The following PTPRR variants were observed in gnomAD, a reference collection of about 807,000 sequenced individuals.
PTPRR encodes the protein receptor-type tyrosine-protein phosphatase R.
A neutral mutation model predicts 77.2 loss-of-function variants in PTPRR; 38 were observed. The ratio of observed to expected loss-of-function variants is 0.49; its 90% CI spans 0.38 to 0.65. The LOEUF is 0.65. Ranked by LOEUF, PTPRR falls within the 30% of genes least tolerant of loss-of-function variation. The pLI is 0.00. For synonymous variants in PTPRR, 299 were observed against 283.1 expected, an observed-to-expected ratio of 1.06 and a Z score of -0.57; for missense variants, 744 against 799.2, an observed-to-expected ratio of 0.93 and a Z score of 0.83.
intron 2 of PTPRR, among the ~76,000 whole-genome samples, chr12:70,821,908 C>A (rs1892021451): frequency 6.6e-6 from 1 of 152,078 alleles, no homozygotes; most frequent in Non-Finnish European, 1.5e-5. Context: ...TCATGATCTG[C>A]CTGCCTCGGC....
chr12:70,840,498 C>A (rs1281442745), intron 2 of PTPRR, among the ~76,000 whole-genome samples: 1 of 152,110 alleles, frequency 6.6e-6, no homozygotes, highest in Non-Finnish European at 1.5e-5. Flanking sequence ...ATGTGGACAT[C>A]TTTGTGGGGC....
At chr12:70,756,534 C>T (rs760288354) in intron 4 of PTPRR, among the ~76,000 whole-genome samples, 5 of 152,056 alleles carry the variant, frequency 3.3e-5, no homozygotes, top group South Asian at 2.1e-4. Context: ...GTCAGGTGGC[C>T]GAGAGTTGAA....
intron 2 of PTPRR, among the ~76,000 whole-genome samples, chr12:70,868,396 G>C (rs375142017): frequency 1.1e-4 from 17 of 151,006 alleles, no homozygotes; most frequent in African/African-American, 2.7e-4. Context: ...AGACACTTCT[G>C]AAAAGAAGAC....
chr12:70,654,330 C>T (rs2136659711), intron 13 of PTPRR, among the ~76,000 whole-genome samples: 1 of 152,208 alleles, frequency 6.6e-6, no homozygotes, highest in Admixed American at 6.5e-5. Context: ...ACAATCCCGG[C>T]ACTTTGGGAG....
intron 2 of PTPRR, among the ~76,000 whole-genome samples, chr12:70,784,371 G>T (rs562720646): frequency 7.2e-5 from 11 of 152,230 alleles, no homozygotes; most frequent in Admixed American, 7.2e-4. Context: ...AGCCTGGGGT[G>T]GGGGCTCCAG....
At chr12:70,812,470 A>G (rs1325451489) in intron 2 of PTPRR, among the ~76,000 whole-genome samples, 1 of 152,076 alleles carries the variant, frequency 6.6e-6, no homozygotes, top group African/African-American at 2.4e-5. Context: ...CCACATGCCC[A>G]CTCCATTTAA....
At chr12:70,798,542 C>T (rs73345159) in intron 2 of PTPRR, among the ~76,000 whole-genome samples, 1 of 152,220 alleles carries the variant, frequency 6.6e-6, no homozygotes, top group African/African-American at 2.4e-5. Flanking sequence ...GTCTCTGGCT[C>T]ACTTCACTGG....
chr12:70,665,000 T>G (rs917472253), intron 10 of PTPRR, among the ~76,000 whole-genome samples: 2 of 152,204 alleles, frequency 1.3e-5, no homozygotes, highest in Non-Finnish European at 2.9e-5. Context: ...TTAGGGTTTC[T>G]TTATTGTGGT....
At chr12:70,654,992 C>T (rs1034053118) in intron 13 of PTPRR, among the ~76,000 whole-genome samples, 3 of 152,182 alleles carry the variant, frequency 2.0e-5, no homozygotes, top group African/African-American at 7.2e-5. Flanking sequence ...TGAGCAGAGA[C>T]GCCTGCTGCT....
chr12:70,773,848 C>A (rs948891570), intron 2 of PTPRR, among the ~76,000 whole-genome samples: 10 of 152,080 alleles, frequency 6.6e-5, no homozygotes, highest in Non-Finnish European at 1.5e-4. Context: ...AAATATGCAT[C>A]CATTATATAA....
intron 2 of PTPRR, among the ~76,000 whole-genome samples, chr12:70,859,367 T>C (rs773810996): frequency 6.6e-6 from 1 of 152,044 alleles, no homozygotes; most frequent in African/African-American, 2.4e-5. Flanking sequence ...CTCCAGGTGA[T>C]TCTAATATGT....
At chr12:70,866,970 C>T (rs1014031451) in intron 2 of PTPRR, among the ~76,000 whole-genome samples, 18 of 151,428 alleles carry the variant, frequency 1.2e-4, no homozygotes, top group African/African-American at 3.4e-4. Context: ...AGGCCTTTGA[C>T]AAAATTCAAA....
intron 4 of PTPRR, among the ~76,000 whole-genome samples, chr12:70,756,288 C>G (rs1319924886): frequency 6.8e-6 from 1 of 146,798 alleles, no homozygotes; most frequent in African/African-American, 2.5e-5. Context: ...TAGAAAGACA[C>G]GTTTTAAACT....
intron 8 of PTPRR, 167 bp from the exon 9 acceptor site, chr12:70,684,950 A>T (rs939846170): frequency 6.2e-6 from 3 of 483,044 alleles, no homozygotes; most frequent in Non-Finnish European, 3.7e-6. Context: ...ATTGAGGGAC[A>T]TTTGGGCCTG....
At chr12:70,731,631 T>C (rs967031874) in intron 6 of PTPRR, among the ~76,000 whole-genome samples, 1 of 152,200 alleles carries the variant, frequency 6.6e-6, no homozygotes, top group African/African-American at 2.4e-5. Flanking sequence ...GGTGGTTGGA[T>C]AATTTAAGCA....
At chr12:70,914,994 G>T (rs918840940) in intron 1 of PTPRR, among the ~76,000 whole-genome samples, 4 of 152,110 alleles carry the variant, frequency 2.6e-5, no homozygotes, top group Non-Finnish European at 5.9e-5. Flanking sequence ...ATTATCCAGG[G>T]AGATTGTATA....
intron 1 of PTPRR, among the ~76,000 whole-genome samples, chr12:70,912,035 G>T (rs372266600): frequency 4.6e-5 from 7 of 152,194 alleles, no homozygotes; most frequent in African/African-American, 1.7e-4. Flanking sequence ...CCTTTCTTCT[G>T]TTTAAGCTAC....
chr12:70,822,949 C>T (rs187933674), intron 2 of PTPRR, among the ~76,000 whole-genome samples: 1 of 151,922 alleles, frequency 6.6e-6, no homozygotes, highest in African/African-American at 2.4e-5. Context: ...TTGGGTAGAA[C>T]CCTTTCCTCT....
chr12:70,712,539 C>T (rs1888862899), intron 6 of PTPRR, among the ~76,000 whole-genome samples: 1 of 149,306 alleles, frequency 6.7e-6, no homozygotes, highest in Non-Finnish European at 1.5e-5. Context: ...ATTAGGCATA[C>T]CAGATGAAGT....
Sources: allele counts gnomAD v4.1 joint callset (sites outside exome capture counted in the v4.1 genomes callset), GRCh38; gene constraint gnomAD v4.1.1; transcripts MANE v1.5; gene names NCBI Gene and HGNC (gene_info 2026-07-23, HGNC 2026-07-21).